The following PACS2 variants were observed in gnomAD, a reference collection of about 807,000 sequenced individuals.
The protein encoded by PACS2 is phosphofurin acidic cluster sorting protein 2.
A neutral mutation model predicts 113.0 loss-of-function variants in PACS2; 36 were observed. That is an observed-to-expected ratio of 0.32 (90% CI 0.24 to 0.42). PACS2 has a LOEUF of 0.42. Ranked by LOEUF, PACS2 falls within the 10% of genes least tolerant of loss-of-function variation. PACS2 has a pLI of 1.00. For synonymous variants in PACS2, 589 were observed against 536.1 expected (o/e 1.10, Z -1.36); for missense variants, 1,015 against 1,239.5 (o/e 0.82, Z 2.72).
At chr14:105,313,526 T>C (rs1325419858), upstream of PACS2, among the ~76,000 whole-genome samples, 1 of 152,208 alleles carries the variant, frequency 6.6e-6, no homozygotes, top group Non-Finnish European at 1.5e-5. Flanking sequence ...CGCAGCTGTT[T>C]GCAGTTCTAG....
intron 7 of PACS2, 31 bp downstream of exon 7, chr14:105,368,570 G>C: frequency 6.4e-7 from 1 of 1,558,890 alleles, no homozygotes; most frequent in Non-Finnish European, 8.9e-7. Flanking sequence ...TGAATGCTGG[G>C]GAAGGCGAGG....
intron 1 of PACS2, among the ~76,000 whole-genome samples, chr14:105,305,311 A>G (rs1227699796): frequency 6.6e-6 from 1 of 152,162 alleles, no homozygotes; most frequent in Non-Finnish European, 1.5e-5. Flanking sequence ...CTGAGGTAGG[A>G]GGATTGCTTG....
At chr14:105,380,914 T>C (rs1555411800) in intron 11 of PACS2, 43 bp from the exon 12 acceptor site, 10 of 1,575,612 alleles carry the variant, frequency 6.3e-6, no homozygotes, top group Non-Finnish European at 7.8e-6. Flanking sequence ...GCAGCACGGG[T>C]GTGGTTTCCA....
intron 1 of PACS2, among the ~76,000 whole-genome samples, chr14:105,344,906 G>A (rs1420685692): frequency 6.6e-6 from 1 of 151,908 alleles, no homozygotes; most frequent in Non-Finnish European, 1.5e-5. Context: ...TCAGGAGTTC[G>A]AGACCAGCCT....
rs1259112602 is a variant in PACS2 at position 105,330,265 on chromosome 14, G to A, written c.119+15228G>A. 1.6e-5 allele frequency among the ~76,000 whole-genome samples: 2 copies of A among 128,520 alleles called. No individual in the cohort carries two copies. Among genetic ancestry groups the A allele is most frequent in the Non-Finnish European group, 3.3e-5 (2 of 61,166 alleles). 84.3% of individuals were successfully genotyped at this position (128,520 alleles called of 152,430 possible). ...GGAGCCTCCGAGAAGCCTGGGGTCC[G>A]TGTGTGGGACGGAATGGGGACAGGA... On this transcript the variant is annotated intron_variant, in intron 1 of 24. Transcript: ENST00000447393. This position sits in a 1 kb window ranked among gnomAD's most constrained non-coding sequence, Gnocchi z 6.9.
At position 105,357,428 on chromosome 14, in the gene PACS2, C is replaced by A. The variant is rs1440807095; in HGVS notation, c.423+2251C>A. Among the ~76,000 whole-genome samples the A allele has an allele frequency of 6.6e-6, 1 of 152,128 alleles. No homozygotes were observed. Among genetic ancestry groups the A allele is most frequent in the Non-Finnish European group, 1.5e-5 (1 of 68,030 alleles). ...CTCCCTCGCCCTGCACCTGTGGCTT[C>A]CAAAGCCGAGGTCATCTGACTGCTC... On this transcript the variant is annotated intron_variant, in intron 4 of 24. Coordinates refer to ENST00000447393, the MANE Select transcript of PACS2 (RefSeq NM_001100913.3). This position sits in a 1 kb window ranked among gnomAD's most constrained non-coding sequence, Gnocchi z 5.1.
At chr14:105,387,453 A>T (rs1361072811) in intron 19 of PACS2, among the ~76,000 whole-genome samples, 1 of 152,126 alleles carries the variant, frequency 6.6e-6, no homozygotes, top group Non-Finnish European at 1.5e-5. Context: ...AGTGGCCCCC[A>T]AGGCATCTGT....
intron 4 of PACS2, among the ~76,000 whole-genome samples, chr14:105,364,326 GC>G (rs2060850294): frequency 7.6e-6 from 1 of 131,786 alleles, no homozygotes; most frequent in African/African-American, 3.9e-5. Flanking sequence ...TGCGCGGTGG[GC>G]GGCGGCCCGG....
At chr14:105,344,645 A>G (rs868983788) in intron 1 of PACS2, among the ~76,000 whole-genome samples, 5 of 152,128 alleles carry the variant, frequency 3.3e-5, no homozygotes, top group Middle Eastern at 3.2e-3. Context: ...ACTTTTGTCT[A>G]CTTTCTTCTT....
chr14:105,377,853 G>T (rs1390021648), intron 9 of PACS2, among the ~76,000 whole-genome samples: 5 of 152,256 alleles, frequency 3.3e-5, no homozygotes, highest in African/African-American at 1.2e-4. Flanking sequence ...CTTGGCCAGG[G>T]TCTCGCTGGG....
intron 3 of PACS2, among the ~76,000 whole-genome samples, chr14:105,352,714 G>A (rs1362178322): frequency 7.1e-5 from 9 of 127,560 alleles, no homozygotes; most frequent in African/African-American, 2.8e-4. Flanking sequence ...GGGGTGACGG[G>A]CCCCCCCATC....
intron 4 of PACS2, among the ~76,000 whole-genome samples, chr14:105,363,952 C>T (rs1441457697): frequency 2.0e-5 from 3 of 151,996 alleles, no homozygotes; most frequent in Non-Finnish European, 4.4e-5. Flanking sequence ...TGGGAATGGC[C>T]GGTGGGCTGA....
In PACS2 at chr14:105,315,945, C is replaced by T. The variant is rs1344975050; in HGVS notation, c.119+908C>T. On this transcript the variant is annotated intron_variant, in intron 1 of 24. Coordinates refer to ENST00000447393, the MANE Select transcript of PACS2 (RefSeq NM_001100913.3). This position sits in a 1 kb window ranked among gnomAD's most constrained non-coding sequence, Gnocchi z 4.4. ...TGGGGAGATGGGAGGGTGAGCGGACCTTCCAGGCACTGGAAGTGGCCAGTA... is the reference window on the plus strand; with the variant it reads ...TGGGGAGATGGGAGGGTGAGCGGACTTTCCAGGCACTGGAAGTGGCCAGTA... 2.0e-5 allele frequency among the ~76,000 whole-genome samples: 3 copies of T among 152,226 alleles called. No individual in the cohort carries two copies. Among genetic ancestry groups the T allele is most frequent in the East Asian group, 3.8e-4 (2 of 5,202 alleles).
Position 105,329,612 on chromosome 14 carries a change from C to T in PACS2, c.119+14575C>T, listed in dbSNP as rs2059227754. Among the ~76,000 whole-genome samples the T allele has an allele frequency of 6.6e-6, 1 of 152,152 alleles. No individual in the cohort carries two copies. The highest frequency in any genetic ancestry group is 2.1e-4 in the South Asian group (1 of 4,830). Reference sequence around the variant, plus strand: ...CTGGTGTCAGCCAAGTGGCGGGCACCTTCTGGGCTTGGGGGCGGGGCTTCT... The same window carrying T: ...CTGGTGTCAGCCAAGTGGCGGGCACTTTCTGGGCTTGGGGGCGGGGCTTCT... On this transcript the variant is annotated intron_variant, in intron 1 of 24. Transcript: ENST00000447393. This position sits in a 1 kb window ranked among gnomAD's most constrained non-coding sequence, Gnocchi z 6.4.
rs1050024931 is a variant in PACS2, at chr14:105,394,800, T to C, written c.*128T>C. The C allele has an allele frequency of 5.6e-6, 4 of 710,286 alleles. No individual in the cohort carries two copies. Among genetic ancestry groups the C allele is most frequent in the Non-Finnish European group, 1.0e-5 (4 of 393,976 alleles). The allele number at this position is 710,286 out of a possible 1,614,324, so 44.0% of individuals were successfully genotyped here. A position where few individuals can be genotyped will look rare whatever the true frequency, so the allele number is the denominator to read the frequency against. ...AAAGAGAAACAGTCTTAAGTATGAA[T>C]GTGCTCACAACGTGGAAACTAACGG... On this transcript the variant is annotated 3_prime_UTR_variant, in exon 25 of 25. Transcript: ENST00000447393.
chr14:105,386,679 T>G (rs2081187830), intron 19 of PACS2, among the ~76,000 whole-genome samples: 1 of 152,020 alleles, frequency 6.6e-6, no homozygotes, highest in Non-Finnish European at 1.5e-5. Context: ...CTGACCTCAG[T>G]GCAGGGTAGT....
chr14:105,359,368 C>T (rs1481172959), intron 4 of PACS2, among the ~76,000 whole-genome samples: 31 of 151,250 alleles, frequency 2.0e-4, no homozygotes, highest in Admixed American at 9.2e-4. Flanking sequence ...AGTGCAGTGG[C>T]GCGATCTCAG....
intron 1 of PACS2, among the ~76,000 whole-genome samples, chr14:105,325,217 T>C (rs2059058422): frequency 1.1e-5 from 1 of 88,292 alleles, no homozygotes; most frequent in African/African-American, 4.5e-5. Flanking sequence ...GTGCTGTGGC[T>C]CGGGGTGGGG....
At chr14:105,391,098 C>T in intron 20 of PACS2, 109 bp from the exon 21 acceptor site, 6 of 813,214 alleles carry the variant, frequency 7.4e-6, no homozygotes, top group Non-Finnish European at 1.3e-5. Flanking sequence ...CTGGCCGCTC[C>T]AGCATCATGG....
Sources: allele counts gnomAD v4.1 joint callset (sites outside exome capture counted in the v4.1 genomes callset), GRCh38; gene constraint gnomAD v4.1.1; non-coding constraint Gnocchi (gnomAD v3.1); transcripts MANE v1.5; gene names NCBI Gene and HGNC (gene_info 2026-07-23, HGNC 2026-07-21).